UBA2: variants seen among roughly 807,000 people sequenced by gnomAD.
The protein encoded by UBA2 is ubiquitin like modifier activating enzyme 2, also known as SUMO-activating enzyme subunit 2.
A neutral mutation model predicts 77.2 loss-of-function variants in UBA2; 11 were observed. That is an observed-to-expected ratio of 0.14 (90% CI 0.09 to 0.24). The LOEUF (loss-of-function observed/expected upper bound fraction) is 0.24. Among genes scored for constraint, UBA2 ranks in the 10% least tolerant of loss-of-function variants. The pLI is 1.00. For missense variants in UBA2, 487 were observed against 781.7 expected, an observed-to-expected ratio of 0.62 and a Z score of 4.50; for synonymous variants, 278 against 276.7, an observed-to-expected ratio of 1.00 and a Z score of -0.05.
intron 16 of UBA2, among the ~76,000 whole-genome samples, 183 bp from the exon 17 acceptor site, chr19:34,468,857 A>T (rs1005859497): frequency 1.3e-5 from 2 of 152,234 alleles, no homozygotes; most frequent in African/African-American, 4.8e-5. Flanking sequence ...TAGAAAATAA[A>T]TAGGTTCTTA....
In UBA2 at chr19:34,438,737, T is replaced by C. The variant is rs1236101132; in HGVS notation, c.552T>C (p.His184=). 7 of 1,614,088 alleles carry C rather than the reference T, an allele frequency of 4.3e-6. No individual in the cohort carries two copies. Among genetic ancestry groups the C allele is most frequent in the East Asian group, 2.2e-5 (1 of 44,872 alleles). ...GTAACACACCTTCAGAACCTATACA[T>C]TGCATCGTTTGGGCAAAGTACTTGT... ...TIRNTPSEPI[H]CIVWAKYLFN... The change falls in exon 6 of 17, where the codon CAT becomes CAC. Residue 184 remains histidine, a synonymous_variant. Transcript: ENST00000246548.
chr19:34,440,324 TGAAAG>T (rs1327173769), intron 6 of UBA2, among the ~76,000 whole-genome samples: 5 of 143,444 alleles, frequency 3.5e-5, no homozygotes, highest in East Asian at 2.0e-4. Context: ...AAAAAAAAAA[TGAAAG>T]GAAAATAGAA....
intron 1 of UBA2, chr19:34,428,813 C>T: frequency 8.7e-7 from 1 of 1,154,696 alleles, no homozygotes; most frequent in Non-Finnish European, 1.1e-6. Flanking sequence ...CGGGCCCCCG[C>T]CTCCCCGGCA....
rs2075533757 is a variant in UBA2 at position 34,454,198 on chromosome 19, A to G, written c.1039-62A>G. 4 of 1,363,880 alleles carry G rather than the reference A, an allele frequency of 2.9e-6. No homozygotes were observed. The East Asian group carries it at 9.1e-5, about 31-fold the overall frequency. The allele number at this position is 1,363,880 out of a possible 1,614,324, so 84.5% of individuals were successfully genotyped here. On this transcript the variant is annotated intron_variant, in intron 10 of 16. Transcript: ENST00000246548. ...AAACACGTGAAAGTATTGTTCTGAAAGTAATGCTTCAAAATAGTCAATTTG... is the reference window on the plus strand; with the variant it reads ...AAACACGTGAAAGTATTGTTCTGAAGGTAATGCTTCAAAATAGTCAATTTG...
At chr19:34,443,749 G>C (rs2075395720) in intron 6 of UBA2, 95 bp from the exon 7 acceptor site, 1 of 911,118 alleles carries the variant, frequency 1.1e-6, no homozygotes, top group Non-Finnish European at 1.8e-6. Flanking sequence ...CAGTTGTTCA[G>C]TCTTTATCTC....
At position 34,431,244 on chromosome 19, in the gene UBA2, C is replaced by CTTTTTTTTTTTTTTTTTTTT. The variant is rs1184297228; in HGVS notation, c.222+590_223-593dup. On this transcript the variant is annotated intron_variant, in intron 2 of 16. Coordinates refer to ENST00000246548, the MANE Select transcript of UBA2 (RefSeq NM_005499.3). ...TTTACTTTTCCTATCATTTTCTTTT[C>CTTTTTTTTTTTTTTTTTTTT]TTTTTTTTTTTTTTTTTTTTTTTTA... is the stretch of plus-strand genomic sequence containing the variant. Among the ~76,000 whole-genome samples the CTTTTTTTTTTTTTTTTTTTT allele has an allele frequency of 1.9e-4, 13 of 69,390 alleles. 1 individual carries two copies. The East Asian group carries it at 2.1e-3, about 11-fold the overall frequency. The allele number at this position is 69,390 out of a possible 152,430, so 45.5% of individuals were successfully genotyped here.
intron 13 of UBA2, among the ~76,000 whole-genome samples, chr19:34,460,233 TC>T (rs932689019): frequency 1.3e-5 from 2 of 152,112 alleles, no homozygotes; most frequent in African/African-American, 4.8e-5. Context: ...GCCAGGGAGT[TC>T]CTAGTCCCCT....
chr19:34,444,951 C>A, intron 7 of UBA2, 49 bp from the exon 8 acceptor site: 2 of 1,568,440 alleles, frequency 1.3e-6, no homozygotes, highest in East Asian at 2.3e-5. Context: ...GAAAAGAGTT[C>A]AGTTCTACAT....
intron 14 of UBA2, among the ~76,000 whole-genome samples, chr19:34,461,225 G>T (rs1212469518): frequency 6.6e-6 from 1 of 152,008 alleles, no homozygotes; most frequent in Non-Finnish European, 1.5e-5. Context: ...TGTTATTTTC[G>T]AAGGTTTCTA....
At chr19:34,442,424 T>G (rs1282405061) in intron 6 of UBA2, among the ~76,000 whole-genome samples, 3 of 152,162 alleles carry the variant, frequency 2.0e-5, no homozygotes, top group Admixed American at 1.3e-4. Context: ...AAAAATACCA[T>G]TAAGTAAAAA....
At chr19:34,440,438 A>G (rs929545780) in intron 6 of UBA2, among the ~76,000 whole-genome samples, 3 of 152,316 alleles carry the variant, frequency 2.0e-5, no homozygotes, top group East Asian at 1.9e-4. Flanking sequence ...TCATTTCACA[A>G]AACTTGCAAG....
rs539854853 is a variant in UBA2 at position 34,435,617 on chromosome 19, G to T, written c.459+649G>T. On this transcript the variant is annotated intron_variant, in intron 5 of 16. Transcript: ENST00000246548. ...GGCTGAGGTAGGCAGATGACTTGAG[G>T]TCAGGAGTTCGAGACCAGCCTCTCC... 1.5e-3 allele frequency among the ~76,000 whole-genome samples: 220 copies of T among 151,550 alleles called. 5 individuals carry two copies. Among genetic ancestry groups the T allele is most frequent in the African/African-American group, 5.0e-3 (208 of 41,266 alleles).
chr19:34,454,848 C>T (rs2075541008), intron 12 of UBA2, among the ~76,000 whole-genome samples: 1 of 152,170 alleles, frequency 6.6e-6, no homozygotes, highest in Admixed American at 6.5e-5. Flanking sequence ...TTTTTCAATT[C>T]TGAGAGTGCT....
intron 10 of UBA2, 150 bp from the exon 11 acceptor site, chr19:34,454,110 G>T: frequency 2.9e-6 from 2 of 681,128 alleles, no homozygotes; most frequent in Non-Finnish European, 5.0e-6. Context: ...CTACTGTGAG[G>T]TCCTAGCTGA....
intron 6 of UBA2, among the ~76,000 whole-genome samples, chr19:34,440,491 T>G (rs2075357202): frequency 6.6e-6 from 1 of 152,158 alleles, no homozygotes; most frequent in African/African-American, 2.4e-5. Context: ...GAGAAATTTT[T>G]AAAAGGGAAT....
intron 8 of UBA2, among the ~76,000 whole-genome samples, chr19:34,449,216 C>T (rs1040307765): frequency 2.6e-5 from 4 of 151,786 alleles, no homozygotes; most frequent in Admixed American, 1.3e-4. Flanking sequence ...ATTACAGGCA[C>T]GCGCCACGAC....
chr19:34,439,931 A>G (rs2075350251), intron 6 of UBA2, among the ~76,000 whole-genome samples: 1 of 152,194 alleles, frequency 6.6e-6, no homozygotes, highest in South Asian at 2.1e-4. Context: ...GGGAATACAG[A>G]TAGCAGAGAT....
In UBA2 at chr19:34,454,243, G is replaced by A. The variant is rs760724684; in HGVS notation, c.1039-17G>A. ...AATTTGTGGAGAAACTTGTTAAATT[G>A]TTTAAATTATTGGCAGGATGACCCA... is the stretch of plus-strand genomic sequence containing the variant. On this transcript the variant is annotated splice_polypyrimidine_tract_variant and intron_variant, in intron 10 of 16. Coordinates refer to ENST00000246548, the MANE Select transcript of UBA2 (RefSeq NM_005499.3). The A allele has an allele frequency of 1.6e-5, 26 of 1,590,142 alleles. No individual in the cohort carries two copies. The highest frequency in any genetic ancestry group is 2.0e-5 in the Non-Finnish European group (23 of 1,169,682).
intron 12 of UBA2, among the ~76,000 whole-genome samples, chr19:34,458,003 A>C (rs1473191747): frequency 6.6e-6 from 1 of 152,208 alleles, no homozygotes; most frequent in Non-Finnish European, 1.5e-5. Flanking sequence ...GAAGGCAGTG[A>C]TGTTGATTCT....
Sources: allele counts gnomAD v4.1 joint callset (sites outside exome capture counted in the v4.1 genomes callset), GRCh38; gene constraint gnomAD v4.1.1; transcripts MANE v1.5; gene names NCBI Gene and HGNC (gene_info 2026-07-23, HGNC 2026-07-21).